The following PVT1 variants were observed in gnomAD, a reference collection of about 807,000 sequenced individuals.
The protein encoded by PVT1 is Pvt1 oncogene.
At chr8:128,001,395 G>A (rs371794198) in intron 4 of PVT1, among the ~76,000 whole-genome samples, 1 of 152,038 alleles carries the variant, frequency 6.6e-6, no homozygotes, top group Admixed American at 6.5e-5. Flanking sequence ...GCAGTGCTGA[G>A]GGGGGAAGTG....
intron 5 of PVT1, among the ~76,000 whole-genome samples, chr8:128,073,439 A>G (rs975869420): frequency 6.6e-6 from 1 of 152,064 alleles, no homozygotes. Flanking sequence ...GGGAGATGGC[A>G]CCAGCCAGTG....
chr8:127,927,102 G>A (rs1284810902), intron 3 of PVT1, among the ~76,000 whole-genome samples: 1 of 152,162 alleles, frequency 6.6e-6, no homozygotes, highest in Non-Finnish European at 1.5e-5. Context: ...GTTCAAGTCC[G>A]GGCCCTGTTG....
chr8:128,029,669 G>A (rs564306165), intron 4 of PVT1, among the ~76,000 whole-genome samples: 63 of 152,194 alleles, frequency 4.1e-4, no homozygotes, highest in Admixed American at 5.9e-4. Flanking sequence ...GCGTGGTGGC[G>A]CTAACCTTAG....
At chr8:128,077,547 A>G (rs1042437482) in intron 5 of PVT1, among the ~76,000 whole-genome samples, 2 of 152,188 alleles carry the variant, frequency 1.3e-5, no homozygotes, top group African/African-American at 4.8e-5. Context: ...CCAAAAACCC[A>G]CCCTGGGCAT....
intron 4 of PVT1, among the ~76,000 whole-genome samples, chr8:128,042,911 G>A (rs1160368502): frequency 5.3e-5 from 8 of 152,062 alleles, no homozygotes; most frequent in Admixed American, 5.2e-4. Context: ...TTACAGGCTT[G>A]CACCACCACA....
At chr8:127,973,853 G>A (rs1408798597) in intron 3 of PVT1, among the ~76,000 whole-genome samples, 1 of 151,916 alleles carries the variant, frequency 6.6e-6, no homozygotes, top group African/African-American at 2.4e-5. Context: ...GGTGGTGGAT[G>A]CCTGTAGTCC....
intron 4 of PVT1, among the ~76,000 whole-genome samples, chr8:128,043,364 C>CCA (rs933310183): frequency 1.3e-5 from 2 of 152,126 alleles, no homozygotes; most frequent in African/African-American, 4.8e-5. Flanking sequence ...TTCTCACAGG[C>CCA]TGGGGGTCAG....
At chr8:127,864,526 A>C (rs536515692) in intron 2 of PVT1, among the ~76,000 whole-genome samples, 2 of 151,652 alleles carry the variant, frequency 1.3e-5, no homozygotes, top group Non-Finnish European at 2.9e-5. Flanking sequence ...TCACACGGAC[A>C]TGTGTTGAAT....
chr8:128,075,280 C>T (rs913134595), intron 5 of PVT1, among the ~76,000 whole-genome samples: 3 of 152,094 alleles, frequency 2.0e-5, no homozygotes, highest in East Asian at 1.9e-4. Context: ...TGTAATATAT[C>T]TCATCATGCT....
At chr8:127,794,537 GGGCAGAGCGCGTGT>G (rs1814371736) in exon 1 of PVT1, 1 of 151,368 alleles carries the variant, frequency 6.6e-6, no homozygotes, top group African/African-American at 2.4e-5. Flanking sequence ...GCGCTCCTCC[GGGCAGAGCGCGTGT>G]GGCGGCCGAG....
chr8:127,981,066 G>A (rs913608331), intron 3 of PVT1, among the ~76,000 whole-genome samples: 2 of 152,164 alleles, frequency 1.3e-5, no homozygotes, highest in African/African-American at 4.8e-5. Context: ...AAAGTGCTGG[G>A]ATTATAGACG....
At chr8:128,041,043 C>T (rs541697346) in intron 4 of PVT1, among the ~76,000 whole-genome samples, 2 of 119,224 alleles carry the variant, frequency 1.7e-5, no homozygotes, top group South Asian at 2.9e-4. Flanking sequence ...TGTTGAGTGC[C>T]TGTGTGTTTG....
At chr8:128,043,773 T>TACACACACACAC (rs112991135) in intron 4 of PVT1, among the ~76,000 whole-genome samples, 20 of 140,792 alleles carry the variant, frequency 1.4e-4, no homozygotes, top group African/African-American at 5.2e-4. Flanking sequence ...AACTATTTCC[T>TACACACACACAC]ACACACACAC....
chr8:128,054,923 T>C (rs1029333399), intron 4 of PVT1, among the ~76,000 whole-genome samples: 2 of 152,166 alleles, frequency 1.3e-5, no homozygotes, highest in African/African-American at 4.8e-5. Context: ...TAGAGCACAT[T>C]ATCTTCCATA....
intron 2 of PVT1, among the ~76,000 whole-genome samples, chr8:127,874,903 GGTGTGT>G (rs112419227): frequency 2.4e-4 from 35 of 145,766 alleles, no homozygotes; most frequent in South Asian, 4.4e-4. Flanking sequence ...TTGGCCTCCA[GGTGTGT>G]GTGTGTGTGT....
chr8:127,853,999 C>T (rs1474224918), intron 2 of PVT1, among the ~76,000 whole-genome samples: 1 of 152,154 alleles, frequency 6.6e-6, no homozygotes, highest in African/African-American at 2.4e-5. Flanking sequence ...CTCCTCTGCC[C>T]CCAGCCCCAC....
At chr8:127,907,079 G>C (rs1815831849) in intron 3 of PVT1, among the ~76,000 whole-genome samples, 1 of 151,770 alleles carries the variant, frequency 6.6e-6, no homozygotes, top group Non-Finnish European at 1.5e-5. Flanking sequence ...TCCTGTCTCA[G>C]CCTCCCGAGT....
intron 2 of PVT1, among the ~76,000 whole-genome samples, chr8:127,812,072 G>T (rs1269480706): frequency 6.6e-6 from 1 of 150,632 alleles, no homozygotes; most frequent in African/African-American, 2.4e-5. Flanking sequence ...TTGCACCACT[G>T]CACTCCAGCC....
chr8:128,099,746 A>G (rs907959340), intron 6 of PVT1: 55 of 152,162 alleles, frequency 3.6e-4, no homozygotes, highest in African/African-American at 1.3e-3. Context: ...CTATGTACAT[A>G]TATATATTTT....
Sources: gnomAD v4.1 joint callset for allele counts (sites outside exome capture counted in the v4.1 genomes callset) on GRCh38, gnomAD v4.1.1 for gene constraint, MANE v1.5 for transcripts, NCBI Gene and HGNC (gene_info 2026-07-23, HGNC 2026-07-21) for gene names.